The following ST18 variants were observed in gnomAD, a reference collection of about 807,000 sequenced individuals.
The protein encoded by ST18 is ST18 C2H2C-type zinc finger transcription factor.
Under a neutral mutation model 110.0 loss-of-function variants are expected in ST18, and 50 were observed. The observed-to-expected ratio is 0.45, with a 90% CI of 0.36 to 0.58. ST18 has a LOEUF of 0.58. Ranked by LOEUF, ST18 falls within the 20% of genes least tolerant of loss-of-function variation. ST18 has a pLI of 0.00. For synonymous variants in ST18, 461 were observed against 452.4 expected, an observed-to-expected ratio of 1.02 and a Z score of -0.24; for missense variants, 1,306 against 1,280.1, an observed-to-expected ratio of 1.02 and a Z score of -0.31.
intron 23 of ST18, among the ~76,000 whole-genome samples, chr8:52,120,537 A>G (rs756379753): frequency 1.3e-5 from 2 of 152,164 alleles, no homozygotes; most frequent in Non-Finnish European, 2.9e-5. Flanking sequence ...ACCAGCCAGC[A>G]GCTGAGCATC....
At chr8:52,225,338 G>GA (rs958037058) in intron 3 of ST18, among the ~76,000 whole-genome samples, 1 of 151,896 alleles carries the variant, frequency 6.6e-6, no homozygotes, top group South Asian at 2.1e-4. Flanking sequence ...CACCTTGTGG[G>GA]AAAAAAAAGT....
At chr8:52,199,900 C>T (rs539426230) in intron 8 of ST18, among the ~76,000 whole-genome samples, 41 of 152,304 alleles carry the variant, frequency 2.7e-4, no homozygotes, top group African/African-American at 9.6e-4. Flanking sequence ...TCTCTTCCTT[C>T]AAACTCAGGT....
At position 52,254,345 on chromosome 8, in the gene ST18, T is replaced by C. The variant is rs531521007; in HGVS notation, c.-464-24268A>G. The stretch of plus-strand genomic sequence containing the variant: ...TCTTTGAAAGGTAGTTCCCATGATA[T>C]GACATCCAGTGCCTTTGACTGCTTA... On this transcript the variant is annotated intron_variant, in intron 2 of 25. Coordinates refer to ENST00000689386, the MANE Select transcript of ST18 (RefSeq NM_001352837.2). 4 of 152,302 alleles carry C rather than the reference T, an allele frequency of 2.6e-5. No homozygotes were observed. In the South Asian group the frequency reaches 8.3e-4, roughly 32 times the overall value. The allele number at this position is 152,302 out of a possible 1,614,324, so 9.4% of individuals were successfully genotyped here.
At chr8:52,197,009 T>C (rs2076393004) in intron 8 of ST18, among the ~76,000 whole-genome samples, 1 of 152,206 alleles carries the variant, frequency 6.6e-6, no homozygotes, top group Admixed American at 6.5e-5. Context: ...GCAGTTATTT[T>C]ATAAACAAAA....
At chr8:52,325,266 T>C (rs1320508204) in intron 2 of ST18, among the ~76,000 whole-genome samples, 2 of 152,126 alleles carry the variant, frequency 1.3e-5, no homozygotes, top group Non-Finnish European at 2.9e-5. Flanking sequence ...AACGACTAAT[T>C]TGATGTAGCT....
At chr8:52,340,135 A>C (rs1242796042) in intron 2 of ST18, among the ~76,000 whole-genome samples, 1 of 152,244 alleles carries the variant, frequency 6.6e-6, no homozygotes, top group Non-Finnish European at 1.5e-5. Context: ...ATTTGCTTCG[A>C]AGCTCAATGC....
chr8:52,343,672 G>A (rs1195041548), intron 2 of ST18, among the ~76,000 whole-genome samples: 2 of 152,262 alleles, frequency 1.3e-5, no homozygotes, highest in South Asian at 2.1e-4. Context: ...TAAAATGGTC[G>A]CTATGAATCA....
intron 25 of ST18, among the ~76,000 whole-genome samples, chr8:52,114,562 C>T (rs1012017662): frequency 6.6e-6 from 1 of 152,168 alleles, no homozygotes; most frequent in Non-Finnish European, 1.5e-5. Context: ...TTGTTGTGCT[C>T]TGCTCGGCAA....
At chr8:52,250,657 C>T (rs1235829079) in intron 2 of ST18, among the ~76,000 whole-genome samples, 1 of 137,412 alleles carries the variant, frequency 7.3e-6, no homozygotes, top group African/African-American at 2.7e-5. Context: ...ATGAAATCAC[C>T]ATCCAAAAAA....
chr8:52,137,035 C>T (rs546071689), intron 18 of ST18, among the ~76,000 whole-genome samples: 256 of 152,308 alleles, frequency 1.7e-3, no homozygotes, highest in Non-Finnish European at 2.9e-3. Flanking sequence ...ATTAAAGCAA[C>T]TCCTTTGCAC....
intron 16 of ST18, among the ~76,000 whole-genome samples, chr8:52,146,090 G>T (rs1448656892): frequency 6.6e-6 from 1 of 152,186 alleles, no homozygotes; most frequent in East Asian, 1.9e-4. Flanking sequence ...GTCTTATGTG[G>T]TCGGGGGAGA....
chr8:52,239,246 G>A (rs2093114662), intron 2 of ST18, among the ~76,000 whole-genome samples: 1 of 152,052 alleles, frequency 6.6e-6, no homozygotes, highest in African/African-American at 2.4e-5. Context: ...TTTCTTTTTT[G>A]TGAAATAAAA....
At chr8:52,253,127 T>C (rs2094395785) in intron 2 of ST18, among the ~76,000 whole-genome samples, 1 of 152,000 alleles carries the variant, frequency 6.6e-6, no homozygotes, top group Admixed American at 6.6e-5. Context: ...TACTTTCTTA[T>C]TTGGAAAATT....
At chr8:52,386,640 T>G (rs995003833) in intron 2 of ST18, among the ~76,000 whole-genome samples, 1 of 152,220 alleles carries the variant, frequency 6.6e-6, no homozygotes, top group African/African-American at 2.4e-5. Flanking sequence ...ATAGATATTT[T>G]TGTTCATTTT....
chr8:52,221,941 T>G (rs2086912753), intron 3 of ST18, 148 bp from the exon 4 acceptor site: 1 of 151,874 alleles, frequency 6.6e-6, no homozygotes, highest in Admixed American at 6.6e-5. Context: ...TCTCCAAATG[T>G]TTTTGGCCTA....
chr8:52,352,141 C>T (rs529857720), intron 2 of ST18, among the ~76,000 whole-genome samples: 158 of 152,232 alleles, frequency 1.0e-3, no homozygotes, highest in Non-Finnish European at 2.0e-3. Context: ...AGAGCACCTG[C>T]CCCCCACTTC....
At chr8:52,389,581 G>A (rs570458454) in intron 2 of ST18, among the ~76,000 whole-genome samples, 12 of 152,298 alleles carry the variant, frequency 7.9e-5, no homozygotes, top group Middle Eastern at 6.8e-3. Flanking sequence ...CAGCGGGGAG[G>A]AACCTGCCTT....
At chr8:52,300,778 T>C (rs1462127249) in intron 2 of ST18, among the ~76,000 whole-genome samples, 2 of 152,174 alleles carry the variant, frequency 1.3e-5, no homozygotes, top group Non-Finnish European at 2.9e-5. Context: ...ATAGTTCTGA[T>C]GATGACCGTA....
chr8:52,181,093 CTA>C (rs752208585), intron 8 of ST18, among the ~76,000 whole-genome samples: 6 of 152,136 alleles, frequency 3.9e-5, no homozygotes, highest in Admixed American at 6.5e-5. Context: ...GCAGATCACT[CTA>C]TGTGTGAAGT....
Sources: gnomAD v4.1 joint callset for allele counts (sites outside exome capture counted in the v4.1 genomes callset) on GRCh38, gnomAD v4.1.1 for gene constraint, MANE v1.5 for transcripts, NCBI Gene and HGNC (gene_info 2026-07-23, HGNC 2026-07-21) for gene names.